Variants in KDM6A observed in about 807,000 individuals in gnomAD.
KDM6A encodes lysine-specific demethylase 6A.
Under a neutral mutation model 117.6 loss-of-function variants are expected in KDM6A, and 11 were observed. The ratio of observed to expected loss-of-function variants is 0.09; its 90% CI spans 0.06 to 0.15. The LOEUF (loss-of-function observed/expected upper bound fraction) is 0.15. Ranked by LOEUF, KDM6A falls within the 10% of genes least tolerant of loss-of-function variation. KDM6A has a pLI of 1.00. For synonymous variants in KDM6A, 384 were observed against 396.1 expected (o/e 0.97, Z 0.36); for missense variants, 799 against 1,077.3 (o/e 0.74, Z 3.62).
chrX:44,908,840 TTTC>T (rs2034895749), intron 2 of KDM6A, among the ~76,000 whole-genome samples: 2 of 112,148 alleles, frequency 1.8e-5, no homozygotes, highest in Admixed American at 9.5e-5. Context: ...ATTCCTTCAC[TTTC>T]TTTTCAGAGA....
At chrX:45,088,014 G>A (rs1270851781) in intron 25 of KDM6A, among the ~76,000 whole-genome samples, 1 of 110,997 alleles carries the variant, frequency 9.0e-6, no homozygotes, top group African/African-American at 3.3e-5. Flanking sequence ...TTGAATATAT[G>A]ATTAAAATGA....
rs151060943 is a variant in KDM6A, at chrX:45,054,983, C to T, written c.875+1028C>T. 3.0e-3 allele frequency among the ~76,000 whole-genome samples: 330 copies of T among 111,292 alleles called. 1 individual carries two copies. Among genetic ancestry groups the T allele is most frequent in the African/African-American group, 0.01 (312 of 30,598 alleles). ...GGATGCTGCTAAACATCCTACAATG[C>T]GCAGGACAGTCCTCTATAGCAAAGA... On this transcript the variant is annotated intron_variant, in intron 10 of 29. Transcript: ENST00000611820.
At chrX:45,044,175 A>G (rs1045078811) in intron 8 of KDM6A, among the ~76,000 whole-genome samples, 2 of 112,296 alleles carry the variant, frequency 1.8e-5, no homozygotes, top group Non-Finnish European at 3.8e-5. Flanking sequence ...ACATGACTGT[A>G]TAATGTCATA....
chrX:44,918,199 T>G (rs1262885211), intron 2 of KDM6A, among the ~76,000 whole-genome samples: 1 of 111,774 alleles, frequency 8.9e-6, no homozygotes, highest in Admixed American at 9.5e-5. Flanking sequence ...TAAACTGAAC[T>G]AAACCCAGTA....
chrX:44,899,924 C>T (rs57775268), intron 2 of KDM6A, among the ~76,000 whole-genome samples: 1 of 111,247 alleles, frequency 9.0e-6, no homozygotes, highest in East Asian at 2.8e-4. Flanking sequence ...AACATATCCT[C>T]ATTTTAAAGC....
At chrX:45,071,108 G>A (rs1169726966) in intron 18 of KDM6A, among the ~76,000 whole-genome samples, 1 of 111,336 alleles carries the variant, frequency 9.0e-6, no homozygotes, top group African/African-American at 3.3e-5. Context: ...TTTACTTGTA[G>A]TTGTTGTCCT....
At chrX:44,943,718 A>G (rs765502083) in intron 2 of KDM6A, among the ~76,000 whole-genome samples, 26 of 111,544 alleles carry the variant, frequency 2.3e-4, no homozygotes, top group Admixed American at 1.1e-3. Context: ...GTTATTTCCA[A>G]TTTTCACTGA....
At chrX:44,963,280 A>T (rs1342064722) in intron 3 of KDM6A, among the ~76,000 whole-genome samples, 2 of 109,482 alleles carry the variant, frequency 1.8e-5, no homozygotes, top group Non-Finnish European at 3.8e-5. Flanking sequence ...TGGACAACAT[A>T]GCGAGACCCC....
intron 4 of KDM6A, among the ~76,000 whole-genome samples, chrX:44,999,445 C>T (rs956576897): frequency 1.8e-5 from 2 of 109,695 alleles, no homozygotes; most frequent in Admixed American, 9.8e-5. Flanking sequence ...AGTGGTTTGG[C>T]GGGAAAAATG....
intron 2 of KDM6A, among the ~76,000 whole-genome samples, chrX:44,901,363 T>A (rs12686884): frequency 0.056 from 6,013 of 107,382 alleles, 347 homozygotes; most frequent in African/African-American, 0.18. Flanking sequence ...CTCAAAAAAA[T>A]ATATATATAT....
At chrX:45,097,739 C>T (rs895369763) in intron 27 of KDM6A, among the ~76,000 whole-genome samples, 2 of 111,810 alleles carry the variant, frequency 1.8e-5, no homozygotes, top group African/African-American at 6.5e-5. Context: ...TGCTTTTTCT[C>T]TGCACTTTCA....
intron 2 of KDM6A, among the ~76,000 whole-genome samples, chrX:44,875,676 T>A (rs2031451107): frequency 9.0e-6 from 1 of 111,624 alleles, no homozygotes; most frequent in African/African-American, 3.3e-5. Flanking sequence ...AAAAGAGCAT[T>A]ATTTTGTTTT....
chrX:45,071,242 A>G (rs1443345508), intron 18 of KDM6A, among the ~76,000 whole-genome samples: 1 of 112,294 alleles, frequency 8.9e-6, no homozygotes, highest in Non-Finnish European at 1.9e-5. Flanking sequence ...TTTTAAAAAG[A>G]TCTTTTTTTG....
intron 2 of KDM6A, among the ~76,000 whole-genome samples, chrX:44,950,463 G>A (rs1333230482): frequency 8.9e-6 from 1 of 111,915 alleles, no homozygotes. Flanking sequence ...ACTTTATAAT[G>A]TACTTGAATG....
chrX:44,897,815 C>T (rs1019039992), intron 2 of KDM6A, among the ~76,000 whole-genome samples: 21 of 111,150 alleles, frequency 1.9e-4, no homozygotes, highest in Admixed American at 1.1e-3. Context: ...TTAAGTAATC[C>T]GCTGCTTCAG....
intron 2 of KDM6A, among the ~76,000 whole-genome samples, chrX:44,874,737 C>G (rs1284120355): frequency 2.9e-5 from 3 of 102,121 alleles, no homozygotes; most frequent in Non-Finnish European, 4.0e-5. Flanking sequence ...AATGGCTGCT[C>G]CTATCGGCCC....
intron 3 of KDM6A, among the ~76,000 whole-genome samples, chrX:44,964,275 C>T (rs912125164): frequency 1.9e-5 from 2 of 106,589 alleles, no homozygotes; most frequent in Non-Finnish European, 3.9e-5. Flanking sequence ...CTGGTGAAAC[C>T]CCGTCTCTAC....
At chrX:45,099,958 C>T (rs1207918721) in intron 27 of KDM6A, among the ~76,000 whole-genome samples, 1 of 107,736 alleles carries the variant, frequency 9.3e-6, no homozygotes, top group Admixed American at 9.9e-5. Flanking sequence ...CACTTGAACT[C>T]GGGAAGTGGA....
At chrX:44,998,120 A>G (rs1187043822) in intron 4 of KDM6A, among the ~76,000 whole-genome samples, 1 of 111,558 alleles carries the variant, frequency 9.0e-6, no homozygotes, top group Non-Finnish European at 1.9e-5. Context: ...AGTGGTTTGG[A>G]GGGCAGATTG....
Sources: gnomAD v4.1 joint callset for allele counts (sites outside exome capture counted in the v4.1 genomes callset) on GRCh38, gnomAD v4.1.1 for gene constraint, MANE v1.5 for transcripts, NCBI Gene and HGNC (gene_info 2026-07-23, HGNC 2026-07-21) for gene names.